The following LRMDA variants were observed in gnomAD, a reference collection of about 807,000 sequenced individuals.
LRMDA encodes leucine rich melanocyte differentiation associated.
LRMDA carries 18 observed loss-of-function variants against 29.8 expected under a neutral mutation model. That is an observed-to-expected ratio of 0.60 (90% confidence interval 0.42 to 0.90). LRMDA has a LOEUF of 0.90. Ranked by LOEUF, LRMDA falls within the 40% of genes least tolerant of loss-of-function variation. LRMDA has a pLI of 0.00. For missense variants in LRMDA, 273 were observed against 273.9 expected, an observed-to-expected ratio of 1.00 and a Z score of 0.02; for synonymous variants, 125 against 109.4, an observed-to-expected ratio of 1.14 and a Z score of -0.89.
intron 2 of LRMDA, among the ~76,000 whole-genome samples, chr10:75,851,234 C>T (rs2132311070): frequency 6.6e-6 from 1 of 152,230 alleles, no homozygotes; most frequent in Admixed American, 6.5e-5. Context: ...ATGAAGGGTG[C>T]TGGGATATTT....
chr10:75,993,115 T>G (rs573202727), intron 2 of LRMDA, among the ~76,000 whole-genome samples: 1 of 152,252 alleles, frequency 6.6e-6, no homozygotes, highest in South Asian at 2.1e-4. Context: ...CTCTGCATGG[T>G]GCAGTCAGCA....
chr10:75,735,636 A>G (rs1564553267), intron 2 of LRMDA, among the ~76,000 whole-genome samples: 1 of 152,092 alleles, frequency 6.6e-6, no homozygotes, highest in Admixed American at 6.5e-5. Context: ...TCTGTTTTCC[A>G]TGGTCAAAAC....
Position 76,077,992 on chromosome 10 carries a change from ATTTTTTTTTTTTTTTTTTTT to A in LRMDA, c.516+19226_516+19245del, listed in dbSNP as rs756023731. Among the ~76,000 whole-genome samples the A allele has an allele frequency of 6.0e-4, 29 of 48,080 alleles. 3 individuals carry two copies. In the East Asian group the frequency reaches 9.2e-3, roughly 15 times the overall value. 31.5% of individuals were successfully genotyped at this position (48,080 alleles called of 152,430 possible). On this transcript the variant is annotated intron_variant, in intron 5 of 6. Coordinates refer to ENST00000611255, the MANE Select transcript of LRMDA (RefSeq NM_001305581.2). ...TCCTACCCCTAACTGCAATATTAAC[ATTTTTTTTTTTTTTTTTTTT>A]TTTTTTTTTTTTTTTTGAGATGGAG... is the stretch of plus-strand genomic sequence containing the variant.
rs181325870 is a variant in LRMDA at position 76,376,948 on chromosome 10, C to T, written c.601+52463C>T. On this transcript the variant is annotated intron_variant, in intron 6 of 6. Coordinates refer to ENST00000611255, the MANE Select transcript of LRMDA (RefSeq NM_001305581.2). ...TTGCCCAGGCTGGAGTGCAATGGCG[C>T]GATCTCCGCTCACTGGAAGCTCCAC... Among the ~76,000 whole-genome samples, 314 of 131,560 alleles carry T rather than the reference C, an allele frequency of 2.4e-3. 1 individual carries two copies. Among genetic ancestry groups the T allele is most frequent in the African/African-American group, 7.6e-3 (273 of 35,944 alleles). The allele number at this position is 131,560 out of a possible 152,430, so 86.3% of individuals were successfully genotyped here. A position where few individuals can be genotyped will look rare whatever the true frequency, so the allele number is the denominator to read the frequency against.
chr10:75,468,728 G>A (rs1393912045), intron 2 of LRMDA, among the ~76,000 whole-genome samples: 2 of 152,120 alleles, frequency 1.3e-5, no homozygotes, highest in Non-Finnish European at 2.9e-5. Flanking sequence ...GGTGGGAAGA[G>A]AATGCCAAGC....
intron 2 of LRMDA, among the ~76,000 whole-genome samples, chr10:75,708,432 T>G (rs1443331149): frequency 6.6e-6 from 1 of 152,216 alleles, no homozygotes; most frequent in Non-Finnish European, 1.5e-5. Flanking sequence ...TCCACCATTT[T>G]CCGGGTTTGT....
chr10:76,380,052 A>C lies in LRMDA; in HGVS notation c.601+55567A>C, dbSNP rs186203075. ...TCTCTTGGTATCGACTTATAGTTTT[A>C]TTCTACTGTGGTCCAATAAAATACT... On this transcript the variant is annotated intron_variant, in intron 6 of 6. Coordinates refer to ENST00000611255, the MANE Select transcript of LRMDA (RefSeq NM_001305581.2). Among the ~76,000 whole-genome samples the C allele has an allele frequency of 4.7e-3, 723 of 152,320 alleles. 5 individuals are homozygous for C. Among genetic ancestry groups the C allele is most frequent in the Middle Eastern group, 0.031 (9 of 294 alleles).
chr10:76,237,448 A>G (rs1020272707), intron 5 of LRMDA, among the ~76,000 whole-genome samples: 2 of 152,330 alleles, frequency 1.3e-5, no homozygotes, highest in Non-Finnish European at 2.9e-5. Context: ...GTTATCAGTA[A>G]TCAGTGATAA....
chr10:76,370,121 G>A (rs1353671799), intron 6 of LRMDA, among the ~76,000 whole-genome samples: 1 of 3,016 alleles, frequency 3.3e-4, no homozygotes, highest in African/African-American at 3.9e-3. Flanking sequence ...TAGATTTTAT[G>A]CCAGCAAAAA....
rs187234198 is a variant in LRMDA at position 75,609,845 on chromosome 10, G to A, written c.131+171351G>A. On this transcript the variant is annotated intron_variant, in intron 2 of 6. Transcript: ENST00000611255. ...CAGAAGGTCTTCAGTAGGCAGGGAT[G>A]TAGTCTCCCTAGTGAGAAGAAGAGG... is the stretch of plus-strand genomic sequence containing the variant. 1.8e-3 allele frequency among the ~76,000 whole-genome samples: 274 copies of A among 152,298 alleles called. 5 individuals are homozygous for A. The highest frequency in any genetic ancestry group is 1.3e-3 in the Non-Finnish European group (91 of 68,032).
chr10:75,533,553 G>A (rs1026037350), intron 2 of LRMDA, among the ~76,000 whole-genome samples: 1 of 152,198 alleles, frequency 6.6e-6, no homozygotes, highest in Non-Finnish European at 1.5e-5. Context: ...CACTGACTTG[G>A]TTAAAAGTAG....
intron 1 of LRMDA, among the ~76,000 whole-genome samples, chr10:75,436,933 G>C (rs1844269896): frequency 6.6e-6 from 1 of 152,246 alleles, no homozygotes; most frequent in Admixed American, 6.5e-5. Flanking sequence ...ACCCCAGGTA[G>C]AAAGAGGAGA....
chr10:75,637,682 G>C (rs527807745), intron 2 of LRMDA, among the ~76,000 whole-genome samples: 1 of 152,220 alleles, frequency 6.6e-6, no homozygotes, highest in Non-Finnish European at 1.5e-5. Flanking sequence ...CTTTCAGAGA[G>C]CACAGGTCTT....
intron 2 of LRMDA, among the ~76,000 whole-genome samples, chr10:75,762,588 C>A (rs1437543783): frequency 6.6e-6 from 1 of 152,206 alleles, no homozygotes; most frequent in East Asian, 1.9e-4. Flanking sequence ...GAGTTTAAAT[C>A]TTGGCTCCCC....
chr10:75,850,351 G>T (rs1032657958), intron 2 of LRMDA, among the ~76,000 whole-genome samples: 1 of 152,142 alleles, frequency 6.6e-6, no homozygotes, highest in Non-Finnish European at 1.5e-5. Context: ...TTTTATTTTA[G>T]GAGTCTTTCA....
intron 5 of LRMDA, among the ~76,000 whole-genome samples, chr10:76,266,117 T>G (rs1840003703): frequency 6.6e-6 from 1 of 152,196 alleles, no homozygotes; most frequent in Admixed American, 6.5e-5. Flanking sequence ...CTAAGAGTAC[T>G]TACCTCATAG....
chr10:76,322,921 A>C (rs1221316756), intron 5 of LRMDA, among the ~76,000 whole-genome samples: 1 of 152,196 alleles, frequency 6.6e-6, no homozygotes, highest in East Asian at 1.9e-4. Context: ...GGTAGAAATT[A>C]CAGGAGACCT....
At chr10:76,418,394 T>C (rs765800530) in intron 6 of LRMDA, among the ~76,000 whole-genome samples, 2 of 151,876 alleles carry the variant, frequency 1.3e-5, no homozygotes, top group Non-Finnish European at 2.9e-5. Flanking sequence ...TTTCATTATA[T>C]TTATATGTAT....
chr10:76,165,152 A>T (rs1589359509), intron 5 of LRMDA, among the ~76,000 whole-genome samples: 2 of 151,398 alleles, frequency 1.3e-5, no homozygotes, highest in Admixed American at 1.3e-4. Flanking sequence ...TCTGTATTTT[A>T]AGTAGAGATG....
Sources: gnomAD v4.1 joint callset for allele counts (sites outside exome capture counted in the v4.1 genomes callset) on GRCh38, gnomAD v4.1.1 for gene constraint, MANE v1.5 for transcripts, NCBI Gene and HGNC (gene_info 2026-07-23, HGNC 2026-07-21) for gene names.